PTPRB: variants seen among roughly 807,000 people sequenced by gnomAD.
The protein encoded by PTPRB is receptor-type tyrosine-protein phosphatase beta.
In PTPRB, 97 loss-of-function variants were observed where a neutral mutation model predicts 238.1. The observed-to-expected ratio is 0.41, with a 90% CI of 0.35 to 0.48. PTPRB has a LOEUF of 0.48. PTPRB is among the 20% of genes least tolerant of loss of function. PTPRB has a pLI of 0.30. For missense variants in PTPRB, 2,292 were observed against 2,681.9 expected (o/e 0.85, Z 3.21); for synonymous variants, 970 against 995.4 (o/e 0.97, Z 0.48).
intron 3 of PTPRB, chr12:70,609,674 A>G: frequency 7.1e-7 from 1 of 1,398,622 alleles, no homozygotes; most frequent in Non-Finnish European, 9.9e-7. Flanking sequence ...TTCAAAGCAC[A>G]ACCCGATAGA....
intron 21 of PTPRB, 95 bp downstream of exon 21, chr12:70,552,682 A>G (rs1330024419): frequency 3.4e-6 from 5 of 1,468,646 alleles, no homozygotes; most frequent in Non-Finnish European, 4.7e-6. Flanking sequence ...TAGGTTATTA[A>G]TCTATGGAAG....
intron 32 of PTPRB, 87 bp from the exon 33 acceptor site, chr12:70,524,678 G>T: frequency 7.4e-7 from 1 of 1,345,752 alleles, no homozygotes; most frequent in Non-Finnish European, 9.8e-7. Flanking sequence ...ACAATGATGG[G>T]ATTATATAGT....
intron 23 of PTPRB, 50 bp from the exon 24 acceptor site, chr12:70,540,072 A>G: frequency 6.8e-7 from 1 of 1,477,422 alleles, no homozygotes. Context: ...ACTTGGCTTG[A>G]ACAAATTTTT....
intron 33 of PTPRB, among the ~76,000 whole-genome samples, chr12:70,522,132 T>C (rs1871723597): frequency 6.6e-6 from 1 of 152,226 alleles, no homozygotes; most frequent in African/African-American, 2.4e-5. Flanking sequence ...CTCATTAACA[T>C]ACTGGCTAGG....
At chr12:70,597,212 G>C (rs909830325) in intron 4 of PTPRB, among the ~76,000 whole-genome samples, 1 of 152,094 alleles carries the variant, frequency 6.6e-6, no homozygotes, top group Non-Finnish European at 1.5e-5. Flanking sequence ...ATGAGCCACC[G>C]CATCTGGCCC....
intron 3 of PTPRB, among the ~76,000 whole-genome samples, chr12:70,614,353 T>A (rs1884588843): frequency 6.6e-6 from 1 of 152,158 alleles, no homozygotes; most frequent in Non-Finnish European, 1.5e-5. Flanking sequence ...TTTTAATAAA[T>A]TTTACTGAGC....
chr12:70,530,368 G>A (rs886397990), intron 32 of PTPRB, among the ~76,000 whole-genome samples: 4 of 151,704 alleles, frequency 2.6e-5, no homozygotes, highest in Admixed American at 6.6e-5. Flanking sequence ...TTATATACCC[G>A]TACATATGTA....
chr12:70,619,157 A>AGTGTGTGT (rs3049143), intron 3 of PTPRB, among the ~76,000 whole-genome samples: 3,114 of 142,156 alleles, frequency 0.022, 83 homozygotes, highest in African/African-American at 0.055. Flanking sequence ...TGTTTAGGGG[A>AGTGTGTGT]GTGTGTGTGT....
At chr12:70,624,228 T>G (rs1885072191) in intron 2 of PTPRB, among the ~76,000 whole-genome samples, 1 of 152,208 alleles carries the variant, frequency 6.6e-6, no homozygotes, top group African/African-American at 2.4e-5. Context: ...GATGATAACA[T>G]ACTATGTATT....
At chr12:70,607,737 G>A (rs1171877945) in intron 4 of PTPRB, among the ~76,000 whole-genome samples, 1 of 151,590 alleles carries the variant, frequency 6.6e-6, no homozygotes, top group Non-Finnish European at 1.5e-5. Context: ...ATTTTTAGTA[G>A]AGACGAGGTT....
chr12:70,560,751 A>C lies in PTPRB; in HGVS notation c.4352T>G (p.Val1451Gly), dbSNP rs1395478372. The C allele has an allele frequency of 6.2e-7, 1 of 1,613,876 alleles. No individual in the cohort carries two copies. The highest frequency in any genetic ancestry group is 8.5e-7 in the Non-Finnish European group (1 of 1,179,838). Residue 1451 changes from valine to glycine, a missense_variant, in exon 17 of 34, where the codon GTT (valine) becomes GGT (glycine). By Grantham distance (109) the Val-to-Gly change is moderately radical (BLOSUM62 -3). Around this residue, in one of 4 missense-constraint regions of PTPRB, gnomAD observed 683 missense variants for 862.0 expected, o/e 0.79. Transcript: ENST00000334414. The surrounding 1 kb of genome is among the most constrained non-coding windows in gnomAD (Gnocchi z 4.2). The stretch of plus-strand genomic sequence containing the variant: ...CCACAGCACGTACTTCCTTCCAGGA[A>C]CAAGGCCTTGAAACCGCCACTCCGT... The part of the protein sequence containing the change: ...DLTEWRFQGL[V>G]PGRKYVLWVV...
At chr12:70,604,438 G>A (rs970280876) in intron 4 of PTPRB, among the ~76,000 whole-genome samples, 6 of 152,054 alleles carry the variant, frequency 3.9e-5, no homozygotes, top group African/African-American at 9.7e-5. Flanking sequence ...TGTGTGCATC[G>A]ATTCACTCTG....
chr12:70,625,459 G>C (rs1413738227), intron 2 of PTPRB, among the ~76,000 whole-genome samples: 1 of 151,978 alleles, frequency 6.6e-6, no homozygotes, highest in Admixed American at 6.6e-5. Flanking sequence ...GAACCAAAAA[G>C]AAATTTGAAT....
chr12:70,625,178 T>C (rs560544249), intron 2 of PTPRB, among the ~76,000 whole-genome samples: 9 of 152,352 alleles, frequency 5.9e-5, no homozygotes, highest in African/African-American at 1.9e-4. Context: ...TGTCTGTGTT[T>C]TTAACTTGTG....
chr12:70,609,254 A>G lies in PTPRB; in HGVS notation c.794T>C (p.Ile265Thr). 1.2e-6 allele frequency: 2 copies of G among 1,614,034 alleles called. No homozygotes were observed. The highest frequency in any genetic ancestry group is 1.7e-6 in the Non-Finnish European group (2 of 1,179,896). The change falls in exon 4 of 34, where the codon ATT (isoleucine) becomes ACT (threonine). Residue 265 changes from isoleucine (I) to threonine (T), a missense_variant. Physicochemically the swap from Ile to Thr is moderately conservative, Grantham distance 89. Transcript: ENST00000334414. ...SSHSVSIQWR[I>T]LGSPCNFSLI... ...GCTAAAGTTACAGGGTGAGCCCAAA[A>G]TTCTCCACTGGATAGACACAGAATG...
Position 70,520,496 on chromosome 12 carries a change from A to T in PTPRB, c.*993T>A, listed in dbSNP as rs752105603. On this transcript the variant is annotated 3_prime_UTR_variant, in exon 34 of 34. Transcript: ENST00000334414. Reference sequence around the variant, plus strand: ...GAAAATGTTGGCATTAAGCCTTTTAATGAGGGGCACAATCTGCTACCATAA... The same window carrying T: ...GAAAATGTTGGCATTAAGCCTTTTATTGAGGGGCACAATCTGCTACCATAA... The T allele has an allele frequency of 4.7e-6, 1 of 211,160 alleles. No homozygotes were observed. The highest frequency in any genetic ancestry group is 9.7e-6 in the Non-Finnish European group (1 of 103,220). 13.1% of individuals were successfully genotyped at this position (211,160 alleles called of 1,614,324 possible).
intron 21 of PTPRB, among the ~76,000 whole-genome samples, chr12:70,545,422 C>T (rs1439937149): frequency 6.6e-6 from 1 of 151,998 alleles, no homozygotes; most frequent in Non-Finnish European, 1.5e-5. Flanking sequence ...TATTTATTGT[C>T]AACAGGAAAT....
intron 18 of PTPRB, 147 bp from the exon 19 acceptor site, chr12:70,556,295 C>T: frequency 1.3e-6 from 1 of 752,770 alleles, no homozygotes. Context: ...CTAGCAGAGA[C>T]ACATGAGCAT....
chr12:70,524,905 GTA>G (rs1301551780), intron 32 of PTPRB, among the ~76,000 whole-genome samples: 1 of 141,264 alleles, frequency 7.1e-6, no homozygotes, highest in African/African-American at 2.5e-5. Flanking sequence ...GTATATATGT[GTA>G]TATATGTATG....
Sources: gnomAD v4.1 joint callset for allele counts (sites outside exome capture counted in the v4.1 genomes callset) on GRCh38, gnomAD v4.1.1 for gene constraint, gnomAD v4.1.1 regional missense constraint, Gnocchi (gnomAD v3.1) non-coding constraint, MANE v1.5 for transcripts, NCBI Gene and HGNC (gene_info 2026-07-23, HGNC 2026-07-21) for gene names.